The following PRKCB variants were observed in gnomAD, a reference collection of about 807,000 sequenced individuals.
The protein encoded by PRKCB is protein kinase C beta.
In PRKCB, 13 loss-of-function variants were observed where a neutral mutation model predicts 81.5. The ratio of observed to expected loss-of-function variants is 0.16; its 90% confidence interval spans 0.10 to 0.25. The LOEUF is 0.25. Among genes scored for constraint, PRKCB ranks in the 10% least tolerant of loss-of-function variants. PRKCB has a pLI of 1.00. For missense variants in PRKCB, 509 were observed against 875.7 expected, an observed-to-expected ratio of 0.58 and a Z score of 5.29; for synonymous variants, 335 against 321.4, an observed-to-expected ratio of 1.04 and a Z score of -0.45.
chr16:24,168,813 C>T, intron 10 of PRKCB, among the ~76,000 whole-genome samples: 1 of 150,218 alleles, frequency 6.7e-6, no homozygotes, highest in Non-Finnish European at 1.5e-5. Context: ...CCTGTCTCGG[C>T]CCTGCCAAAG....
chr16:24,075,002 C>T (rs1363557206), intron 5 of PRKCB, among the ~76,000 whole-genome samples: 1 of 151,842 alleles, frequency 6.6e-6, no homozygotes, highest in Non-Finnish European at 1.5e-5. Context: ...GCCTATAGTC[C>T]CAGCTACTCG....
chr16:24,149,983 TC>T (rs1469924140), intron 9 of PRKCB, among the ~76,000 whole-genome samples: 4 of 152,182 alleles, frequency 2.6e-5, no homozygotes, highest in Non-Finnish European at 1.5e-5. Flanking sequence ...TTTGTTTTTT[TC>T]CCCCTGCCTC....
chr16:23,994,249 T>C (rs182329976), intron 3 of PRKCB, among the ~76,000 whole-genome samples: 2 of 152,280 alleles, frequency 1.3e-5, no homozygotes, highest in East Asian at 3.9e-4. Context: ...CTTATGGTGG[T>C]CAGGTGATCA....
At chr16:23,931,571 T>C (rs1020116020) in intron 2 of PRKCB, among the ~76,000 whole-genome samples, 3 of 151,820 alleles carry the variant, frequency 2.0e-5, no homozygotes, top group Admixed American at 6.6e-5. Flanking sequence ...TGAGGCTGAG[T>C]GGGGAGGAGA....
chr16:24,192,946 T>C (rs1175397358), intron 16 of PRKCB, among the ~76,000 whole-genome samples: 1 of 152,024 alleles, frequency 6.6e-6, no homozygotes, highest in Non-Finnish European at 1.5e-5. Flanking sequence ...GGAGGTAGCA[T>C]GGAGAATCAT....
intron 2 of PRKCB, among the ~76,000 whole-genome samples, chr16:23,976,964 G>C (rs1964635298): frequency 6.6e-6 from 1 of 152,150 alleles, no homozygotes. Flanking sequence ...GTTTTATCTT[G>C]CTTAGTTAAA....
intron 8 of PRKCB, among the ~76,000 whole-genome samples, chr16:24,119,579 C>A (rs969978188): frequency 1.6e-5 from 2 of 123,626 alleles, no homozygotes; most frequent in Non-Finnish European, 3.3e-5. Context: ...GAAGGCAGGA[C>A]ACATGGTGCT....
chr16:23,948,369 CT>C (rs1964232152), intron 2 of PRKCB, among the ~76,000 whole-genome samples: 1 of 152,118 alleles, frequency 6.6e-6, no homozygotes, highest in African/African-American at 2.4e-5. Flanking sequence ...AGAATCTTGA[CT>C]GCTTACAACA....
At chr16:23,936,709 G>T (rs988913068) in intron 2 of PRKCB, among the ~76,000 whole-genome samples, 1 of 150,960 alleles carries the variant, frequency 6.6e-6, no homozygotes, top group African/African-American at 2.4e-5. Flanking sequence ...ACAGATGTGA[G>T]CCTGGCCCAA....
Position 24,061,910 on chromosome 16 carries a change from T to TAAAAAAAAAAA in PRKCB, c.529+26376_529+26386dup, listed in dbSNP as rs1210402981. On this transcript the variant is annotated intron_variant, in intron 5 of 16. Coordinates refer to ENST00000643927, the MANE Select transcript of PRKCB (RefSeq NM_002738.7). ...CCACTCCCCCTGCACCTTAAATAAA[T>TAAAAAAAAAAA]AAAAAAAAAAAAAAAAAAAAAAACT... Among the ~76,000 whole-genome samples the TAAAAAAAAAAA allele has an allele frequency of 5.0e-4, 47 of 93,082 alleles. 2 individuals carry two copies. Among genetic ancestry groups the TAAAAAAAAAAA allele is most frequent in the East Asian group, 9.7e-4 (3 of 3,108 alleles). The allele number at this position is 93,082 out of a possible 152,430, so 61.1% of individuals were successfully genotyped here.
intron 2 of PRKCB, among the ~76,000 whole-genome samples, chr16:23,888,924 G>C (rs7190694): frequency 0.21 from 32,286 of 152,116 alleles, 4,100 homozygotes; most frequent in South Asian, 0.43. Flanking sequence ...TGTAAGTGGT[G>C]ACATAGCTGG....
chr16:24,202,943 G>A (rs546004225), intron 16 of PRKCB, among the ~76,000 whole-genome samples: 17 of 152,232 alleles, frequency 1.1e-4, no homozygotes, highest in African/African-American at 4.1e-4. Context: ...GGGGCCTGGT[G>A]CAGTGGCTCA....
intron 7 of PRKCB, among the ~76,000 whole-genome samples, chr16:24,111,654 C>T (rs899699044): frequency 7.0e-5 from 10 of 142,400 alleles, no homozygotes; most frequent in Non-Finnish European, 1.4e-4. Context: ...AAAAAAACAG[C>T]CAGGTGTGGT....
intron 5 of PRKCB, among the ~76,000 whole-genome samples, chr16:24,067,969 A>T (rs1318284626): frequency 6.7e-6 from 1 of 148,426 alleles, no homozygotes; most frequent in Admixed American, 6.7e-5. Context: ...AGAGAGAGAG[A>T]GAGAGCTGAG....
intron 5 of PRKCB, among the ~76,000 whole-genome samples, chr16:24,085,228 A>G (rs1351982258): frequency 6.6e-6 from 1 of 151,822 alleles, no homozygotes; most frequent in Non-Finnish European, 1.5e-5. Context: ...AGGCTATGCC[A>G]TATCAGGTGA....
chr16:24,199,466 C>G (rs888447227), intron 16 of PRKCB, among the ~76,000 whole-genome samples: 2 of 152,082 alleles, frequency 1.3e-5, no homozygotes, highest in Non-Finnish European at 2.9e-5. Context: ...GAAAGTGTAA[C>G]CTTTGTATGT....
intron 7 of PRKCB, among the ~76,000 whole-genome samples, chr16:24,109,730 C>G (rs1383475677): frequency 7.4e-6 from 1 of 135,606 alleles, no homozygotes; most frequent in South Asian, 2.2e-4. Context: ...GCTGCAATCT[C>G]GGCACTTTGG....
Position 24,191,238 on chromosome 16 carries a change from G to A in PRKCB, c.1863+8G>A, listed in dbSNP as rs1214230803. On this transcript the variant is annotated splice_region_variant and intron_variant, in intron 16 of 16. Transcript: ENST00000643927. ...CCTTATAAGCCAAAAGCTGTAAGTA[G>A]CCCATTCTCTCTGACTGCCGGGTAT... 2 of 1,613,760 alleles carry A rather than the reference G, an allele frequency of 1.2e-6. No homozygotes were observed. The highest frequency in any genetic ancestry group is 1.7e-6 in the Non-Finnish European group (2 of 1,179,822).
intron 2 of PRKCB, among the ~76,000 whole-genome samples, chr16:23,871,096 C>G (rs1480455413): frequency 6.6e-6 from 1 of 152,178 alleles, no homozygotes; most frequent in Non-Finnish European, 1.5e-5. Flanking sequence ...ACTGCTGCAC[C>G]GTCTCTTCCA....
Sources: allele counts gnomAD v4.1 joint callset (sites outside exome capture counted in the v4.1 genomes callset), GRCh38; gene constraint gnomAD v4.1.1; transcripts MANE v1.5; gene names NCBI Gene and HGNC (gene_info 2026-07-23, HGNC 2026-07-21).